Variants in CDH23 observed in about 807,000 individuals in gnomAD.
CDH23 encodes cadherin-23.
In CDH23, 189 loss-of-function variants were observed where a neutral mutation model predicts 317.1. That is an observed-to-expected ratio of 0.60 (90% confidence interval 0.53 to 0.67). The LOEUF (loss-of-function observed/expected upper bound fraction) is 0.67, where lower values mean the gene tolerates loss of function less well. Among genes scored for constraint, CDH23 ranks in the 30% least tolerant of loss-of-function variants. CDH23 has a pLI of 0.00. For missense variants in CDH23, 4,401 were observed against 4,592.4 expected, an observed-to-expected ratio of 0.96 and a Z score of 1.20; for synonymous variants, 1,839 against 1,876.8, an observed-to-expected ratio of 0.98 and a Z score of 0.52.
intron 38 of CDH23, among the ~76,000 whole-genome samples, chr10:71,767,867 G>A (rs1240121875): frequency 1.3e-5 from 2 of 152,226 alleles, no homozygotes; most frequent in Non-Finnish European, 2.9e-5. Flanking sequence ...CCAGCACCTT[G>A]GGAAAGCCTC....
intron 14 of CDH23, among the ~76,000 whole-genome samples, chr10:71,667,765 G>A (rs1863975701): frequency 1.3e-5 from 2 of 152,168 alleles, no homozygotes; most frequent in Admixed American, 1.3e-4. Flanking sequence ...GGGACAAAGA[G>A]ACAGGAGGGC....
chr10:71,477,557 C>G (rs1397306423), intron 3 of CDH23, among the ~76,000 whole-genome samples: 1 of 152,168 alleles, frequency 6.6e-6, no homozygotes, highest in East Asian at 1.9e-4. Flanking sequence ...CCTCACCACT[C>G]TCATGGCTTC....
intron 14 of CDH23, among the ~76,000 whole-genome samples, chr10:71,652,203 G>A (rs1564711280): frequency 2.0e-5 from 3 of 152,302 alleles, no homozygotes; most frequent in Admixed American, 1.3e-4. Flanking sequence ...AGGGCTGGCT[G>A]GAGGTGGCCT....
rs548547611 is a variant in CDH23 at position 71,428,980 on chromosome 10, A to G, written c.-5-10847A>G. On this transcript the variant is annotated intron_variant, in intron 1 of 69. Transcript: ENST00000224721. ...TTAGGGTCTTTTCTATATTTTAGAC[A>G]TTAATCCCTTATCTGGCATGTGATT... 2.0e-5 allele frequency among the ~76,000 whole-genome samples: 3 copies of G among 152,350 alleles called. 1 individual carries two copies. In the East Asian group the frequency reaches 5.8e-4, roughly 29 times the overall value.
At chr10:71,529,382 G>A (rs1589168528) in intron 6 of CDH23, among the ~76,000 whole-genome samples, 1 of 152,236 alleles carries the variant, frequency 6.6e-6, no homozygotes, top group South Asian at 2.1e-4. Context: ...CGTAGTACCC[G>A]GTGCAGGGAG....
intron 20 of CDH23, among the ~76,000 whole-genome samples, chr10:71,692,702 C>T (rs992633966): frequency 6.6e-6 from 1 of 152,196 alleles, no homozygotes; most frequent in East Asian, 1.9e-4. Context: ...ACAGAGGGAA[C>T]TGTCAGGGTA....
intron 8 of CDH23, 23 bp downstream of exon 8, chr10:71,570,941 C>T: frequency 6.2e-7 from 1 of 1,612,642 alleles, no homozygotes. Flanking sequence ...GCCCTTCCTT[C>T]TCAGAAGTCC....
At chr10:71,417,355 A>C (rs1011717182) in intron 1 of CDH23, among the ~76,000 whole-genome samples, 2 of 151,770 alleles carry the variant, frequency 1.3e-5, no homozygotes, top group Non-Finnish European at 2.9e-5. Flanking sequence ...GGGATTACAG[A>C]TCTGAGCCAC....
At chr10:71,783,688 G>A (rs1436483402) in intron 41 of CDH23, among the ~76,000 whole-genome samples, 1 of 152,364 alleles carries the variant, frequency 6.6e-6, no homozygotes, top group African/African-American at 2.4e-5. Flanking sequence ...CACCACAGGT[G>A]TAGGGAACCC....
At chr10:71,476,908 G>A (rs1274204636) in intron 3 of CDH23, among the ~76,000 whole-genome samples, 1 of 152,146 alleles carries the variant, frequency 6.6e-6, no homozygotes, top group Non-Finnish European at 1.5e-5. Context: ...TTGGCTGAGA[G>A]GAGCACTGGA....
chr10:71,691,698 C>G (rs915990796), intron 20 of CDH23, among the ~76,000 whole-genome samples: 1 of 152,152 alleles, frequency 6.6e-6, no homozygotes, highest in Non-Finnish European at 1.5e-5. Flanking sequence ...TGGGCCAGGC[C>G]CTGCCTGGCA....
rs766571386 is a variant in CDH23 at position 71,793,460 on chromosome 10, A to T, written c.6532A>T (p.Ile2178Phe). The change falls in exon 48 of 70, where the codon ATC becomes TTC. Residue 2178 changes from isoleucine (I) to phenylalanine (F), a missense_variant. By Grantham distance (21) the Ile-to-Phe change is conservative. Coordinates refer to ENST00000224721, the MANE Select transcript of CDH23 (RefSeq NM_022124.6). ...CTCCCGCCCCGAGTTCCTCAACCCC[A>T]TCCAGACAGTGAGCGTGCTGGAGTC... The part of the protein sequence containing the change: ...NDSRPEFLNP[I>F]QTVSVLESAE... 1.2e-5 allele frequency: 19 copies of T among 1,613,752 alleles called. No individual in the cohort carries two copies. Among genetic ancestry groups the T allele is most frequent in the Non-Finnish European group, 1.4e-5 (17 of 1,179,866 alleles).
intron 22 of CDH23, among the ~76,000 whole-genome samples, chr10:71,700,885 G>C (rs1457875664): frequency 6.6e-6 from 1 of 152,210 alleles, no homozygotes. Flanking sequence ...CCTCTGGCTG[G>C]GGATTAAGCA....
intron 9 of CDH23, among the ~76,000 whole-genome samples, chr10:71,612,105 T>A (rs1031532603): frequency 6.6e-6 from 1 of 152,174 alleles, no homozygotes; most frequent in Non-Finnish European, 1.5e-5. Flanking sequence ...CAGTCCTCTC[T>A]CAGGTGGCCT....
At chr10:71,740,373 A>C (rs1839700873) in intron 36 of CDH23, among the ~76,000 whole-genome samples, 1 of 152,206 alleles carries the variant, frequency 6.6e-6, no homozygotes. Flanking sequence ...CTCATTGCTT[A>C]TAATATTACT....
In CDH23 at chr10:71,786,894, T is replaced by G. The variant is rs1443323932; in HGVS notation, c.5820+1156T>G. Among the ~76,000 whole-genome samples, 4 of 152,090 alleles carry G rather than the reference T, an allele frequency of 2.6e-5. 1 individual carries two copies. The South Asian group carries it at 6.2e-4, about 24-fold the overall frequency. On this transcript the variant is annotated intron_variant, in intron 44 of 69. Coordinates refer to ENST00000224721, the MANE Select transcript of CDH23 (RefSeq NM_022124.6). ...AGGAGGGCCCCGGGTAAAAGCAGCA[T>G]TGAGTGGCAGGACTCGGTGGGCTTA...
chr10:71,690,560 C>G lies in CDH23; in HGVS notation c.2152C>G (p.Gln718Glu). Residue 718 changes from glutamine (Q) to glutamate (E), a missense_variant, in exon 20 of 70, where the codon CAG becomes GAG. By Grantham distance (29) the Gln-to-Glu change is conservative (BLOSUM62 2). Around this residue, in one of 3 missense-constraint regions of CDH23, gnomAD observed 3,068 missense variants for 3,203.3 expected, o/e 0.96. Transcript: ENST00000224721. ...CATCTACTCCTTGGAAGGCTCCACC[C>G]AGTTTCGGATCAATGCCCGCTCAGG... ...SIIYSLEGST[Q>E]FRINARSGEI... 6.2e-7 allele frequency: 1 copy of G among 1,606,258 alleles called. No individual in the cohort carries two copies. Among genetic ancestry groups the G allele is most frequent in the Non-Finnish European group, 8.5e-7 (1 of 1,176,476 alleles).
chr10:71,436,129 G>A (rs1849606593), intron 1 of CDH23, among the ~76,000 whole-genome samples: 1 of 152,276 alleles, frequency 6.6e-6, no homozygotes, highest in Non-Finnish European at 1.5e-5. Context: ...GAGGATGGAG[G>A]CAGAGTCAGG....
chr10:71,773,241 G>A, intron 38 of CDH23: 1 of 1,189,022 alleles, frequency 8.4e-7, no homozygotes, highest in Non-Finnish European at 1.2e-6. Flanking sequence ...GGGTGGAGTG[G>A]GGTGCACGGT....
Sources: allele counts gnomAD v4.1 joint callset (sites outside exome capture counted in the v4.1 genomes callset), GRCh38; gene constraint gnomAD v4.1.1; regional missense constraint gnomAD v4.1.1; transcripts MANE v1.5; gene names NCBI Gene and HGNC (gene_info 2026-07-23, HGNC 2026-07-21).